Variants in NECAP2 observed in about 807,000 individuals in gnomAD.
NECAP2 encodes the protein adaptin ear-binding coat-associated protein 2.
NECAP2 carries 38 observed loss-of-function variants against 37.8 expected under a neutral mutation model. That is an observed-to-expected ratio of 1.01 (90% confidence interval 0.78 to 1.32). NECAP2 has a LOEUF of 1.32. Ranked by LOEUF, NECAP2 falls within the 40% of genes most tolerant of loss-of-function variation. NECAP2 has a pLI of 0.00. For synonymous variants in NECAP2, 121 were observed against 127.7 expected, an observed-to-expected ratio of 0.95 and a Z score of 0.35; for missense variants, 316 against 334.5, an observed-to-expected ratio of 0.94 and a Z score of 0.43.
intron 2 of NECAP2, among the ~76,000 whole-genome samples, chr1:16,447,377 C>G (rs2086779193): frequency 6.6e-6 from 1 of 152,156 alleles, no homozygotes; most frequent in Non-Finnish European, 1.5e-5. Flanking sequence ...TTCAGATTCC[C>G]TATGGGTATG....
intron 5 of NECAP2, chr1:16,450,697 C>A (rs905791392): frequency 6.6e-6 from 1 of 152,398 alleles, no homozygotes; most frequent in African/African-American, 2.4e-5. Flanking sequence ...CCTGTAATCC[C>A]AGCACTTTGG....
At chr1:16,458,799 A>G (rs373508932) in intron 7 of NECAP2, 43 bp from the exon 8 acceptor site, 206 of 1,604,656 alleles carry the variant, frequency 1.3e-4, no homozygotes, top group Non-Finnish European at 1.6e-4. Context: ...TTGTATTTTC[A>G]AAGATCTGAA....
intron 2 of NECAP2, among the ~76,000 whole-genome samples, chr1:16,444,200 C>T (rs547725963): frequency 5.9e-5 from 9 of 152,132 alleles, no homozygotes; most frequent in Non-Finnish European, 1.3e-4. Context: ...AGTGAGAGGA[C>T]GAGCTGAGCT....
intron 7 of NECAP2, 131 bp downstream of exon 7, chr1:16,456,024 CTTTT>C (rs56097788): frequency 1.5e-3 from 724 of 476,018 alleles, no homozygotes; most frequent in South Asian, 2.7e-3. Flanking sequence ...GTTTTCTTTT[CTTTT>C]TTTTTTTTTT....
At chr1:16,457,475 AAAAC>A (rs2086937992) in intron 7 of NECAP2, among the ~76,000 whole-genome samples, 1 of 152,114 alleles carries the variant, frequency 6.6e-6, no homozygotes, top group Admixed American at 6.5e-5. Flanking sequence ...ACAAACAAAA[AAAAC>A]AGAGGCGTGA....
chr1:16,449,200 C>T lies in NECAP2; in HGVS notation c.488C>T (p.Ala163Val). 1 of 1,605,946 alleles carries T rather than the reference C, an allele frequency of 6.2e-7. No homozygotes were observed. The highest frequency in any genetic ancestry group is 8.5e-7 in the Non-Finnish European group (1 of 1,174,780). The change falls in exon 5 of 8, where the codon GCA becomes GTA. Residue 163 changes from alanine (A) to valine (V), a missense_variant and splice_region_variant. Transcript: ENST00000337132. ...GGCCAGACCATCAAGCTCAACATCG[C>T]AGTGAGTTCTACCCTTGCTTGGCTG... ...KEGQTIKLNI[A>V]NMKKKEGAAG... is the part of the protein sequence containing the mutation.
At chr1:16,452,163 A>C in intron 6 of NECAP2, 148 bp downstream of exon 6, 1 of 827,672 alleles carries the variant, frequency 1.2e-6, no homozygotes, top group Non-Finnish European at 1.9e-6. Context: ...CCCAAAGCTC[A>C]TTCTGCACAC....
At chr1:16,443,135 C>T in intron 1 of NECAP2, among the ~76,000 whole-genome samples, 1 of 152,172 alleles carries the variant, frequency 6.6e-6, no homozygotes, top group Non-Finnish European at 1.5e-5. Context: ...AGAATCAGGC[C>T]CCTGCAGCTG....
At chr1:16,455,658 T>C in intron 6 of NECAP2, 160 bp from the exon 7 acceptor site, 1 of 621,622 alleles carries the variant, frequency 1.6e-6, no homozygotes, top group East Asian at 2.8e-5. Flanking sequence ...TCAGGGTGTT[T>C]GGTTGCCCAA....
At chr1:16,450,628 A>C (rs1317919134) in intron 5 of NECAP2, 1 of 153,174 alleles carries the variant, frequency 6.5e-6, no homozygotes, top group South Asian at 2.0e-4. Context: ...CAAATCATAA[A>C]TGCAGAACTC....
At chr1:16,449,554 A>C (rs755551229) in intron 5 of NECAP2, 3 of 246,154 alleles carry the variant, frequency 1.2e-5, no homozygotes, top group African/African-American at 6.8e-5. Context: ...AAGAGTGATC[A>C]AAGAGTGGTT....
intron 2 of NECAP2, among the ~76,000 whole-genome samples, chr1:16,447,074 AAAAAG>A (rs1557686887): frequency 1.3e-5 from 2 of 151,790 alleles, no homozygotes; most frequent in Non-Finnish European, 2.9e-5. Flanking sequence ...AAAAAAAAAA[AAAAAG>A]GTATAAATCA....
chr1:16,447,629 G>A (rs148124586), intron 2 of NECAP2, among the ~76,000 whole-genome samples: 39 of 152,334 alleles, frequency 2.6e-4, no homozygotes, highest in African/African-American at 8.9e-4. Flanking sequence ...AGGCCAGGCA[G>A]AATACCAAAC....
At chr1:16,451,241 G>GT (rs1437595295) in intron 5 of NECAP2, 1 of 152,798 alleles carries the variant, frequency 6.5e-6, no homozygotes, top group African/African-American at 2.4e-5. Flanking sequence ...GTTGTGGCAT[G>GT]TACCATTGTG....
intron 6 of NECAP2, among the ~76,000 whole-genome samples, chr1:16,452,664 T>C (rs1255196896): frequency 6.6e-6 from 1 of 152,150 alleles, no homozygotes; most frequent in African/African-American, 2.4e-5. Flanking sequence ...TGGCAGTTTG[T>C]GCTGAGGAGC....
In NECAP2 at chr1:16,442,804, C is replaced by G. The variant is rs1570252332; in HGVS notation, c.93-828C>G. 2.0e-5 allele frequency among the ~76,000 whole-genome samples: 3 copies of G among 152,146 alleles called. No homozygotes were observed. In the South Asian group the frequency reaches 6.2e-4, roughly 32 times the overall value. On this transcript the variant is annotated intron_variant, in intron 1 of 7. Transcript: ENST00000337132. ...TGGTGTGTTGGTACACACCTGTAGT[C>G]CCAGCTACTCAGGAGGCTGAGGTGG...
chr1:16,450,382 TTGCCCAGGG>T, intron 5 of NECAP2: 2 of 312,820 alleles, frequency 6.4e-6, no homozygotes, highest in South Asian at 5.3e-5. Flanking sequence ...GGTTGGGGAC[TTGCCCAGGG>T]TCACAGAGCT....
rs982444491 is a variant in NECAP2, at chr1:16,448,128, C to G, written c.367C>G (p.Gln123Glu). 72 of 1,613,900 alleles carry G rather than the reference C, an allele frequency of 4.5e-5. No homozygotes were observed. Among genetic ancestry groups the G allele is most frequent in the Non-Finnish European group, 5.8e-5 (68 of 1,179,926 alleles). The change falls in exon 4 of 8, where the codon CAG becomes GAG. Residue 123 changes from glutamine to glutamate, a missense_variant. This residue lies in a region of NECAP2 where 204 missense variants were observed against 188.6 expected (regional missense o/e 1.08). Coordinates refer to ENST00000337132, the MANE Select transcript of NECAP2 (RefSeq NM_018090.5). ...GDAFDFNVAL[Q>E]DHFKWVKQQC... The stretch of plus-strand genomic sequence containing the variant: ...TGCCTTTGACTTCAATGTTGCATTG[C>G]AGGACCATTTCAAGTGAGTGGGTCT...
chr1:16,441,589 A>G (rs2086690971), intron 1 of NECAP2: 1 of 152,118 alleles, frequency 6.6e-6, no homozygotes, highest in African/African-American at 2.4e-5. Context: ...GAAAAATATT[A>G]AAAGAAAAAA....
Sources: gnomAD v4.1 joint callset for allele counts (sites outside exome capture counted in the v4.1 genomes callset) on GRCh38, gnomAD v4.1.1 for gene constraint, gnomAD v4.1.1 regional missense constraint, MANE v1.5 for transcripts, NCBI Gene and HGNC (gene_info 2026-07-23, HGNC 2026-07-21) for gene names.